The following DOT1L variants were observed in gnomAD, a reference collection of about 807,000 sequenced individuals.
The protein encoded by DOT1L is DOT1 like histone lysine methyltransferase, also known as histone-lysine N-methyltransferase, H3 lysine-79 specific.
In DOT1L, 33 loss-of-function variants were observed where a neutral mutation model predicts 153.3. That is an observed-to-expected ratio of 0.22 (90% CI 0.16 to 0.29). The LOEUF (loss-of-function observed/expected upper bound fraction) is 0.29. Ranked by LOEUF, DOT1L falls within the 10% of genes least tolerant of loss-of-function variation. The pLI is 1.00. For missense variants in DOT1L, 1,847 were observed against 2,119.9 expected (o/e 0.87, Z 2.53); for synonymous variants, 1,135 against 965.1 (o/e 1.18, Z -3.26).
chr19:2,189,629 C>T, intron 3 of DOT1L, 103 bp from the exon 4 acceptor site: 1 of 1,335,698 alleles, frequency 7.5e-7, no homozygotes, highest in Admixed American at 1.9e-5. Flanking sequence ...GCTGTCCAGG[C>T]AGGGACCACA....
At position 2,230,522 on chromosome 19, in the gene DOT1L, A is replaced by C. The variant is rs2024555530; in HGVS notation, c.*730A>C. 1 of 398,724 alleles carries C rather than the reference A, an allele frequency of 2.5e-6. No homozygotes were observed. The highest frequency in any genetic ancestry group is 4.4e-6 in the Non-Finnish European group (1 of 226,122). 24.7% of individuals were successfully genotyped at this position (398,724 alleles called of 1,614,324 possible). On this transcript the variant is annotated 3_prime_UTR_variant, in exon 28 of 28. Coordinates refer to ENST00000398665, the MANE Select transcript of DOT1L (RefSeq NM_032482.3). ...TGAGGACGGCGCGGGCACGTTGAAC[A>C]AGTGCATTTACTTTTGTATTTCTCG...
chr19:2,227,901 C>T lies in DOT1L; in HGVS notation c.4606+774C>T, dbSNP rs747443666. The T allele has an allele frequency of 8.9e-6, 11 of 1,231,614 alleles. No homozygotes were observed. The South Asian group carries it at 9.5e-5, about 11-fold the overall frequency. 76.3% of individuals were successfully genotyped at this position (1,231,614 alleles called of 1,614,324 possible). On this transcript the variant is annotated intron_variant, in intron 27 of 27. Coordinates refer to ENST00000398665, the MANE Select transcript of DOT1L (RefSeq NM_032482.3). ...GGCCCCGGCCTCGGTTGAGACCCGG[C>T]CGCCCCCTCCGCCTCCGCCTCCGCC...
chr19:2,194,198 TCTCG>T (rs1348121527), intron 6 of DOT1L, among the ~76,000 whole-genome samples: 2 of 151,698 alleles, frequency 1.3e-5, no homozygotes, highest in African/African-American at 2.4e-5. Flanking sequence ...TGAGACAGAG[TCTCG>T]CTCAGTCGCC....
chr19:2,198,348 C>T (rs2023103921), intron 7 of DOT1L, among the ~76,000 whole-genome samples: 1 of 152,200 alleles, frequency 6.6e-6, no homozygotes, highest in South Asian at 2.1e-4. Context: ...CTCGCCTGCG[C>T]ACCTCCCATC....
chr19:2,214,054 T>G, intron 18 of DOT1L, 68 bp downstream of exon 18: 2 of 1,547,862 alleles, frequency 1.3e-6, no homozygotes, highest in Non-Finnish European at 1.7e-6. Context: ...GTGTGTCCTC[T>G]GTGCGGGTGG....
chr19:2,190,641 C>T lies in DOT1L; in HGVS notation c.265-371C>T, dbSNP rs546267524. ...GTAGGCTCAGGGCTTTCACGGGGCTCGTGGCACCTGACGGGGGTCCCTTGG... is the reference window on the plus strand; with the variant it reads ...GTAGGCTCAGGGCTTTCACGGGGCTTGTGGCACCTGACGGGGGTCCCTTGG... On this transcript the variant is annotated intron_variant, in intron 4 of 27. Coordinates refer to ENST00000398665, the MANE Select transcript of DOT1L (RefSeq NM_032482.3). The surrounding 1 kb of genome is among the most constrained non-coding windows in gnomAD (Gnocchi z 4.8). Among the ~76,000 whole-genome samples the T allele has an allele frequency of 1.3e-5, 2 of 152,110 alleles. No homozygotes were observed. The highest frequency in any genetic ancestry group is 2.4e-5 in the African/African-American group (1 of 41,510).
intron 25 of DOT1L, among the ~76,000 whole-genome samples, 188 bp downstream of exon 25, chr19:2,223,674 C>T (rs961317250): frequency 2.6e-5 from 4 of 152,196 alleles, no homozygotes; most frequent in East Asian, 1.9e-4. Context: ...CGGGCAGGGC[C>T]GGCCTCCCGG....
intron 7 of DOT1L, among the ~76,000 whole-genome samples, chr19:2,199,556 T>G (rs985535507): frequency 1.3e-5 from 2 of 152,180 alleles, no homozygotes; most frequent in Non-Finnish European, 2.9e-5. Flanking sequence ...ATTTTGAGCT[T>G]ACATTTCTAG....
chr19:2,201,437 G>A (rs2023278260), intron 8 of DOT1L, among the ~76,000 whole-genome samples: 1 of 152,194 alleles, frequency 6.6e-6, no homozygotes, highest in African/African-American at 2.4e-5. Context: ...TCTTCCCTGT[G>A]CTCTTCTTCC....
intron 1 of DOT1L, among the ~76,000 whole-genome samples, chr19:2,173,646 G>A (rs2021764374): frequency 2.0e-5 from 3 of 152,190 alleles, no homozygotes; most frequent in Admixed American, 1.3e-4. Flanking sequence ...CCTGCTCACC[G>A]GCCCTCTCAG....
At chr19:2,175,979 G>A (rs2021910824) in intron 1 of DOT1L, among the ~76,000 whole-genome samples, 1 of 152,154 alleles carries the variant, frequency 6.6e-6, no homozygotes, top group Non-Finnish European at 1.5e-5. Context: ...TGCTGCTCTA[G>A]ACATGGGCCC....
chr19:2,217,030 G>C lies in DOT1L; in HGVS notation c.2484G>C (p.Gln828His), dbSNP rs767294338. The change falls in exon 21 of 28, where the codon CAG becomes CAC. Residue 828 changes from glutamine (Q) to histidine (H), a missense_variant. By Grantham distance (24) the Gln-to-His change is conservative (BLOSUM62 0). Transcript: ENST00000398665. This position sits in a 1 kb window ranked among gnomAD's most constrained non-coding sequence, Gnocchi z 7.3. ...SVPGSMKLSP[Q>H]DPRPLSPGAL... ...CTGGCAGCATGAAGCTGAGCCCTCA[G>C]GACCCGCGGCCCCTGTCCCCTGGGG... 2 of 1,612,766 alleles carry C rather than the reference G, an allele frequency of 1.2e-6. No homozygotes were observed. The highest frequency in any genetic ancestry group is 1.7e-6 in the Non-Finnish European group (2 of 1,179,828).
intron 8 of DOT1L, among the ~76,000 whole-genome samples, chr19:2,200,443 C>T (rs543198086): frequency 2.1e-4 from 32 of 152,336 alleles, no homozygotes; most frequent in Middle Eastern, 3.4e-3. Context: ...TGTCCAGGTC[C>T]GTCCCCACCG....
intron 12 of DOT1L, among the ~76,000 whole-genome samples, chr19:2,209,969 C>A (rs1319387798): frequency 1.3e-5 from 2 of 152,224 alleles, no homozygotes; most frequent in Non-Finnish European, 2.9e-5. Context: ...CACTAACTCA[C>A]ATCAGAGAAC....
chr19:2,180,354 A>G lies in DOT1L; in HGVS notation c.82-359A>G, dbSNP rs905117323. ...GGACTTGGGCTGTGTTGAGGGATCA[A>G]CTGACCTCCAGGGAAAAAATGGGGA... is the stretch of plus-strand genomic sequence containing the variant. On this transcript the variant is annotated intron_variant, in intron 1 of 27. Coordinates refer to ENST00000398665, the MANE Select transcript of DOT1L (RefSeq NM_032482.3). Among the ~76,000 whole-genome samples, 8 of 152,118 alleles carry G rather than the reference A, an allele frequency of 5.3e-5. No individual in the cohort carries two copies. The South Asian group carries it at 6.2e-4, about 12-fold the overall frequency.
Position 2,193,587 on chromosome 19 carries a change from C to T in DOT1L, c.494-102C>T. On this transcript the variant is annotated intron_variant, in intron 5 of 27. Transcript: ENST00000398665. The surrounding 1 kb of genome is among the most constrained non-coding windows in gnomAD (Gnocchi z 5.9). The stretch of plus-strand genomic sequence containing the variant: ...GGAGACTGTGGCCTCCCCTGTGGGT[C>T]TTCATGGCCGCATTCTTGTGGCCTC... 1.8e-6 allele frequency: 2 copies of T among 1,121,538 alleles called. No homozygotes were observed. The highest frequency in any genetic ancestry group is 2.8e-5 in the South Asian group (2 of 71,490). 69.5% of individuals were successfully genotyped at this position (1,121,538 alleles called of 1,614,324 possible).
At chr19:2,171,765 C>A (rs2021640539) in intron 1 of DOT1L, among the ~76,000 whole-genome samples, 1 of 152,198 alleles carries the variant, frequency 6.6e-6, no homozygotes, top group African/African-American at 2.4e-5. Context: ...CCACTGTGTC[C>A]CCCTGAGGGA....
At position 2,208,915 on chromosome 19, in the gene DOT1L, G is replaced by A. The variant is rs1168142303; in HGVS notation, c.964-20G>A. 2.5e-6 allele frequency: 4 copies of A among 1,611,740 alleles called. No individual in the cohort carries two copies. The highest frequency in any genetic ancestry group is 1.6e-4 in the Middle Eastern group (1 of 6,074). On this transcript the variant is annotated intron_variant, in intron 11 of 27. Coordinates refer to ENST00000398665, the MANE Select transcript of DOT1L (RefSeq NM_032482.3). The surrounding 1 kb of genome is among the most constrained non-coding windows in gnomAD (Gnocchi z 4.4). ...AGATTGGGACTCCCTTCTAATCAGG[G>A]TTCTCTTTCTTCTTTTTAGCTTGAA...
At chr19:2,171,646 A>T (rs1032730713) in intron 1 of DOT1L, among the ~76,000 whole-genome samples, 5 of 152,048 alleles carry the variant, frequency 3.3e-5, no homozygotes, top group Non-Finnish European at 7.4e-5. Context: ...GTTCGTGTAC[A>T]TGCCTTCTCC....
Sources: allele counts gnomAD v4.1 joint callset (sites outside exome capture counted in the v4.1 genomes callset), GRCh38; gene constraint gnomAD v4.1.1; non-coding constraint Gnocchi (gnomAD v3.1); transcripts MANE v1.5; gene names NCBI Gene and HGNC (gene_info 2026-07-23, HGNC 2026-07-21).